SVOPL: variants seen among roughly 807,000 people sequenced by gnomAD.
The protein encoded by SVOPL is SVOP like.
In SVOPL, 60 loss-of-function variants were observed where a neutral mutation model predicts 61.0. That is an observed-to-expected ratio of 0.98 (90% CI 0.80 to 1.22). The LOEUF is 1.22. Among genes scored for constraint, SVOPL ranks in the 50% most tolerant of loss-of-function variants. The pLI is 0.00. For missense variants in SVOPL, 662 were observed against 643.9 expected (o/e 1.03, Z -0.30); for synonymous variants, 279 against 250.0 (o/e 1.12, Z -1.09).
At chr7:138,627,269 T>C (rs978166831) in intron 12 of SVOPL, 81 bp downstream of exon 12, 6 of 1,062,564 alleles carry the variant, frequency 5.6e-6, no homozygotes, top group African/African-American at 1.6e-5. Context: ...GACTTGTCCC[T>C]GAAACTACTG....
chr7:138,614,161 C>T (rs1021112265), intron 14 of SVOPL, among the ~76,000 whole-genome samples: 3 of 152,138 alleles, frequency 2.0e-5, no homozygotes, highest in Admixed American at 1.3e-4. Context: ...CATAAGAAGT[C>T]CTCTAAAACT....
chr7:138,657,434 A>T (rs1801801596), intron 6 of SVOPL, among the ~76,000 whole-genome samples: 1 of 152,028 alleles, frequency 6.6e-6, no homozygotes, highest in Admixed American at 6.6e-5. Flanking sequence ...GAGCCACTGC[A>T]CTCAGCCTGA....
At chr7:138,656,362 A>G in intron 7 of SVOPL, 86 bp downstream of exon 7, 2 of 1,366,546 alleles carry the variant, frequency 1.5e-6, no homozygotes, top group Non-Finnish European at 2.1e-6. Flanking sequence ...GCTGGTACCA[A>G]ACCAGCAGTA....
intron 7 of SVOPL, among the ~76,000 whole-genome samples, chr7:138,650,241 G>A (rs975291060): frequency 4.6e-5 from 7 of 152,110 alleles, no homozygotes; most frequent in East Asian, 1.9e-4. Context: ...TGGACGTTTC[G>A]ACTGAAGGTC....
At chr7:138,628,608 G>A (rs4728439) in intron 10 of SVOPL, among the ~76,000 whole-genome samples, 134,262 of 152,222 alleles carry the variant, frequency 0.88, 59,364 homozygotes, top group African/African-American at 0.93. Context: ...TTCCAGCTGT[G>A]ATAGATACCT....
At chr7:138,602,458 T>C (rs1035278333) in intron 14 of SVOPL, among the ~76,000 whole-genome samples, 44 of 17,092 alleles carry the variant, frequency 2.6e-3, no homozygotes, top group African/African-American at 0.019. Context: ...TATATATATA[T>C]ATATATATAT....
chr7:138,675,654 C>T (rs969402895), intron 3 of SVOPL, among the ~76,000 whole-genome samples: 12 of 151,932 alleles, frequency 7.9e-5, no homozygotes, highest in African/African-American at 1.7e-4. Context: ...CCATGCCCCG[C>T]CCACACAACC....
At chr7:138,594,980 T>A (rs1798222083) in intron 15 of SVOPL, among the ~76,000 whole-genome samples, 1 of 151,876 alleles carries the variant, frequency 6.6e-6, no homozygotes, top group Non-Finnish European at 1.5e-5. Context: ...GGTCTCAAAC[T>A]CCTGACCTCA....
chr7:138,663,241 G>T, intron 4 of SVOPL, 96 bp from the exon 5 acceptor site: 2 of 1,542,510 alleles, frequency 1.3e-6, no homozygotes, highest in South Asian at 1.2e-5. Flanking sequence ...CTGGAAATAC[G>T]GGAGGGATGG....
At position 138,697,828 on chromosome 7, in the gene SVOPL, G is replaced by A. The variant is rs1803103602; in HGVS notation, c.-35+3350C>T. ...GAAGAAGAAGAGAGAAGAGAAGGAA[G>A]AAGGAGGAAGATGAAAGAAGATAAT... On this transcript the variant is annotated intron_variant, in intron 1 of 15. Transcript: ENST00000674285. 1.3e-5 allele frequency among the ~76,000 whole-genome samples: 2 copies of A among 151,420 alleles called. 1 individual carries two copies. Among genetic ancestry groups the A allele is most frequent in the Admixed American group, 1.3e-4 (2 of 15,056 alleles).
rs188984218 is a variant in SVOPL, at chr7:138,608,096, C to T, written c.1354-11566G>A. On this transcript the variant is annotated intron_variant, in intron 14 of 15. Transcript: ENST00000674285. ...CTATTTGAAGAAGACAATAAAATCC[C>T]AGCAAGGGCCATAGGAGGAAAGATT... Among the ~76,000 whole-genome samples, 349 of 152,208 alleles carry T rather than the reference C, an allele frequency of 2.3e-3. 1 individual carries two copies. Among genetic ancestry groups the T allele is most frequent in the African/African-American group, 8.2e-3 (340 of 41,524 alleles).
intron 14 of SVOPL, among the ~76,000 whole-genome samples, chr7:138,600,227 A>G (rs1659830): frequency 0.75 from 114,274 of 152,160 alleles, 44,114 homozygotes; most frequent in African/African-American, 0.94. Context: ...AGCTGCTCAA[A>G]TTGATTAATA....
intron 1 of SVOPL, among the ~76,000 whole-genome samples, chr7:138,700,451 G>A (rs1375716002): frequency 6.8e-6 from 1 of 146,364 alleles, no homozygotes; most frequent in East Asian, 2.1e-4. Context: ...CGATTCTTCT[G>A]CCTCAGCCTC....
At chr7:138,673,032 G>A (rs1802469537) in intron 3 of SVOPL, among the ~76,000 whole-genome samples, 1 of 152,068 alleles carries the variant, frequency 6.6e-6, no homozygotes, top group African/African-American at 2.4e-5. Flanking sequence ...TGTGTCTGGT[G>A]GAAGGGAAGA....
At position 138,656,445 on chromosome 7, in the gene SVOPL, T is replaced by C. The variant is rs781327486; in HGVS notation, c.534+3A>G. 7 of 1,613,894 alleles carry C rather than the reference T, an allele frequency of 4.3e-6. No homozygotes were observed. Among genetic ancestry groups the C allele is most frequent in the Non-Finnish European group, 4.2e-6 (5 of 1,179,940 alleles). On this transcript the variant is annotated splice_donor_region_variant and intron_variant, in intron 7 of 15. Coordinates refer to ENST00000674285, the MANE Select transcript of SVOPL (RefSeq NM_001139456.2). ...GGCAGGTAGAACTCCTACGTTGCCT[T>C]ACCTGAGACAAGGGTAACATATAGC...
chr7:138,649,009 C>T lies in SVOPL; in HGVS notation c.660+3G>A, dbSNP rs991178030. ...CAGGAAGGAGCCACAAGTGCTTCCC[C>T]ACCTTGAAGGCCACGATGAGGATGA... On this transcript the variant is annotated splice_donor_region_variant and intron_variant, in intron 8 of 15. Transcript: ENST00000674285. 6.2e-7 allele frequency: 1 copy of T among 1,613,750 alleles called. No homozygotes were observed. The highest frequency in any genetic ancestry group is 8.5e-7 in the Non-Finnish European group (1 of 1,179,874).
At chr7:138,611,829 C>T (rs1384039979) in intron 14 of SVOPL, among the ~76,000 whole-genome samples, 2 of 60,850 alleles carry the variant, frequency 3.3e-5, no homozygotes, top group Admixed American at 5.3e-4. Context: ...TCCCAGCCGC[C>T]TGCCTTGGCC....
intron 1 of SVOPL, among the ~76,000 whole-genome samples, chr7:138,692,911 C>T (rs928744190): frequency 5.9e-5 from 9 of 151,984 alleles, no homozygotes; most frequent in African/African-American, 1.5e-4. Flanking sequence ...AGTTGGAAGT[C>T]GGTGAGGAAA....
intron 14 of SVOPL, among the ~76,000 whole-genome samples, chr7:138,603,189 T>A (rs575346004): frequency 6.6e-6 from 1 of 152,170 alleles, no homozygotes; most frequent in Non-Finnish European, 1.5e-5. Flanking sequence ...TAATTTTCCC[T>A]TATAACTTAC....
Sources: allele counts gnomAD v4.1 joint callset (sites outside exome capture counted in the v4.1 genomes callset), GRCh38; gene constraint gnomAD v4.1.1; transcripts MANE v1.5; gene names NCBI Gene and HGNC (gene_info 2026-07-23, HGNC 2026-07-21).